PKNOX2: variants seen among roughly 807,000 people sequenced by gnomAD.
PKNOX2 encodes PBX/knotted 1 homeobox 2.
In PKNOX2, 14 loss-of-function variants were observed where a neutral mutation model predicts 53.1. The ratio of observed to expected loss-of-function variants is 0.26; its 90% CI spans 0.17 to 0.41. The LOEUF (loss-of-function observed/expected upper bound fraction) is 0.41. Among genes scored for constraint, PKNOX2 ranks in the 10% least tolerant of loss-of-function variants. PKNOX2 has a pLI of 1.00. For missense variants in PKNOX2, 496 were observed against 602.8 expected (o/e 0.82, Z 1.85); for synonymous variants, 257 against 242.8 (o/e 1.06, Z -0.54).
rs1341785772 is a variant in PKNOX2, at chr11:125,189,454, T to C, written c.-201+24678T>C. On this transcript the variant is annotated intron_variant, in intron 1 of 12. Transcript: ENST00000298282. Reference sequence around the variant, plus strand: ...GTGTGTGTGTGTGTGTGTGTATATATATATATATATATATATATATATATA... The same window carrying C: ...GTGTGTGTGTGTGTGTGTGTATATACATATATATATATATATATATATATA... Among the ~76,000 whole-genome samples, 4 of 75,680 alleles carry C rather than the reference T, an allele frequency of 5.3e-5. No homozygotes were observed. In the East Asian group the frequency reaches 1.2e-3, roughly 23 times the overall value. The allele number at this position is 75,680 out of a possible 152,430, so 49.6% of individuals were successfully genotyped here.
chr11:125,286,968 A>G (rs1426711982), intron 2 of PKNOX2, among the ~76,000 whole-genome samples: 1 of 152,122 alleles, frequency 6.6e-6, no homozygotes, highest in Non-Finnish European at 1.5e-5. Context: ...CCAGGAAAAC[A>G]TGTGCTGCAC....
intron 2 of PKNOX2, among the ~76,000 whole-genome samples, chr11:125,247,725 T>C (rs1008586458): frequency 6.6e-6 from 1 of 152,166 alleles, no homozygotes; most frequent in Non-Finnish European, 1.5e-5. Flanking sequence ...CTCTGTTACT[T>C]GCAATTCTAG....
chr11:125,351,483 C>T (rs1027562015), intron 4 of PKNOX2, 91 bp downstream of exon 4: 5 of 828,186 alleles, frequency 6.0e-6, no homozygotes, highest in Non-Finnish European at 7.8e-6. Flanking sequence ...TTCCAGGGGC[C>T]GACGGGCAGA....
At chr11:125,229,480 T>C (rs1485967335) in intron 1 of PKNOX2, among the ~76,000 whole-genome samples, 1 of 152,190 alleles carries the variant, frequency 6.6e-6, no homozygotes, top group Non-Finnish European at 1.5e-5. Flanking sequence ...TTGGCAGATA[T>C]AAAAACACTG....
intron 1 of PKNOX2, among the ~76,000 whole-genome samples, chr11:125,199,900 G>C (rs1006850121): frequency 1.3e-5 from 2 of 152,206 alleles, no homozygotes; most frequent in Non-Finnish European, 2.9e-5. Context: ...GTCTCTCGTT[G>C]CTATGTGTAT....
At chr11:125,349,528 C>T (rs1020928584) in intron 3 of PKNOX2, among the ~76,000 whole-genome samples, 6 of 152,166 alleles carry the variant, frequency 3.9e-5, no homozygotes, top group African/African-American at 9.6e-5. Flanking sequence ...CCGACGGAAC[C>T]GGCCTGAAGT....
intron 10 of PKNOX2, among the ~76,000 whole-genome samples, chr11:125,428,188 G>A (rs1001840982): frequency 3.9e-5 from 6 of 152,142 alleles, no homozygotes; most frequent in African/African-American, 1.2e-4. Context: ...AGACAGATGC[G>A]TAGTCAGTGC....
chr11:125,383,601 A>C lies in PKNOX2; in HGVS notation c.228-1950A>C, dbSNP rs1450747246. The stretch of plus-strand genomic sequence containing the variant: ...CACTGCACTCCAGCCTGGATGACAC[A>C]GCAAGACTGTCAAAAAAACAAACAA... On this transcript the variant is annotated intron_variant, in intron 5 of 12. Transcript: ENST00000298282. 2.0e-5 allele frequency among the ~76,000 whole-genome samples: 3 copies of C among 152,202 alleles called. No homozygotes were observed. The East Asian group carries it at 5.8e-4, about 29-fold the overall frequency.
chr11:125,263,746 G>T (rs1275027495), intron 2 of PKNOX2, among the ~76,000 whole-genome samples: 4 of 152,194 alleles, frequency 2.6e-5, no homozygotes, highest in Admixed American at 2.0e-4. Context: ...TCCGGCGCTG[G>T]CTCTCCCTGG....
At chr11:125,272,452 G>A (rs1285777921) in intron 2 of PKNOX2, among the ~76,000 whole-genome samples, 2 of 152,168 alleles carry the variant, frequency 1.3e-5, no homozygotes, top group Non-Finnish European at 2.9e-5. Flanking sequence ...GATGCAGAAG[G>A]TTTGACTTGT....
intron 2 of PKNOX2, among the ~76,000 whole-genome samples, chr11:125,276,992 C>T (rs1189860562): frequency 6.6e-6 from 1 of 152,068 alleles, no homozygotes; most frequent in Non-Finnish European, 1.5e-5. Context: ...GGAATCAGAG[C>T]TGGGCAAAGA....
chr11:125,197,514 G>A (rs539158210), intron 1 of PKNOX2, among the ~76,000 whole-genome samples: 1 of 152,310 alleles, frequency 6.6e-6, no homozygotes, highest in Admixed American at 6.5e-5. Context: ...GCCTAAGAGA[G>A]GCTCTGCCCC....
intron 5 of PKNOX2, among the ~76,000 whole-genome samples, chr11:125,383,263 G>C (rs1222280799): frequency 6.6e-6 from 1 of 152,058 alleles, no homozygotes; most frequent in African/African-American, 2.4e-5. Context: ...GTCCTTCTCT[G>C]TGTGCTCCGT....
chr11:125,307,651 T>C (rs534519860), intron 2 of PKNOX2, among the ~76,000 whole-genome samples: 228 of 152,308 alleles, frequency 1.5e-3, no homozygotes, highest in African/African-American at 5.3e-3. Context: ...GTTCGATATG[T>C]CCCTTAGGGA....
At chr11:125,213,242 GA>G (rs1940082240) in intron 1 of PKNOX2, among the ~76,000 whole-genome samples, 1 of 152,048 alleles carries the variant, frequency 6.6e-6, no homozygotes, top group Non-Finnish European at 1.5e-5. Flanking sequence ...GCCCTTTGTA[GA>G]GAGTGTGGAG....
At chr11:125,282,147 G>C (rs1946600596) in intron 2 of PKNOX2, among the ~76,000 whole-genome samples, 1 of 152,206 alleles carries the variant, frequency 6.6e-6, no homozygotes. Context: ...GAAGACACTT[G>C]GCAAAGAAAA....
At chr11:125,204,708 C>A (rs1454878502) in intron 1 of PKNOX2, among the ~76,000 whole-genome samples, 6 of 152,174 alleles carry the variant, frequency 3.9e-5, no homozygotes, top group Non-Finnish European at 7.3e-5. Flanking sequence ...CAGCTCTTTG[C>A]AACATTCTAA....
chr11:125,225,008 T>C (rs1474549163), intron 1 of PKNOX2, among the ~76,000 whole-genome samples: 1 of 152,204 alleles, frequency 6.6e-6, no homozygotes, highest in Non-Finnish European at 1.5e-5. Context: ...GGCCTTCGGA[T>C]GGCTGCCTGG....
chr11:125,372,692 T>C (rs1217211906), intron 5 of PKNOX2, among the ~76,000 whole-genome samples: 4 of 152,246 alleles, frequency 2.6e-5, no homozygotes, highest in Non-Finnish European at 5.9e-5. Flanking sequence ...TCCTGGTCTA[T>C]CAGCGAATGA....
Sources: allele counts gnomAD v4.1 joint callset (sites outside exome capture counted in the v4.1 genomes callset), GRCh38; gene constraint gnomAD v4.1.1; transcripts MANE v1.5; gene names NCBI Gene and HGNC (gene_info 2026-07-23, HGNC 2026-07-21).